TMEM178A: variants seen among roughly 807,000 people sequenced by gnomAD.
TMEM178A encodes transmembrane protein 178A.
Under a neutral mutation model 29.1 loss-of-function variants are expected in TMEM178A, and 12 were observed. The ratio of observed to expected loss-of-function variants is 0.41; its 90% confidence interval spans 0.26 to 0.67. The LOEUF is 0.67. TMEM178A is among the 30% of genes least tolerant of loss of function. The pLI is 0.29. For synonymous variants in TMEM178A, 210 were observed against 187.2 expected, an observed-to-expected ratio of 1.12 and a Z score of -0.99; for missense variants, 366 against 419.1, an observed-to-expected ratio of 0.87 and a Z score of 1.11.
At chr2:39,671,792 C>T (rs556727427) in intron 1 of TMEM178A, among the ~76,000 whole-genome samples, 2 of 152,302 alleles carry the variant, frequency 1.3e-5, no homozygotes, top group South Asian at 2.1e-4. Flanking sequence ...GTACAGACCG[C>T]ACTCTCAAGA....
the TMEM178A span, among the ~76,000 whole-genome samples, chr2:39,733,327 T>C: frequency 6.6e-6 from 1 of 152,242 alleles, no homozygotes; most frequent in African/African-American, 2.4e-5. Flanking sequence ...GGTTCATACA[T>C]GATTTTTTCT....
chr2:39,691,632 T>C (rs145862460), intron 1 of TMEM178A, among the ~76,000 whole-genome samples: 3,189 of 152,244 alleles, frequency 0.021, 89 homozygotes, highest in African/African-American at 0.058. Flanking sequence ...ATCCCACTTC[T>C]GGGTATTTAT....
At position 39,716,948 on chromosome 2, in the gene TMEM178A, G is replaced by T. The variant is rs1019396189; in HGVS notation, c.653-62G>T. 3.2e-6 allele frequency: 5 copies of T among 1,552,394 alleles called. No homozygotes were observed. In the African/African-American group the frequency reaches 5.5e-5, roughly 17 times the overall value. On this transcript the variant is annotated intron_variant, in intron 3 of 3. Transcript: ENST00000281961. Reference sequence around the variant, plus strand: ...TCTGATTTTCATAAAGGCCTGTCTGGCATTTGTCTTGTAACAGGCAAACTG... The same window carrying T: ...TCTGATTTTCATAAAGGCCTGTCTGTCATTTGTCTTGTAACAGGCAAACTG...
chr2:39,667,516 G>T (rs1670222540), intron 1 of TMEM178A, among the ~76,000 whole-genome samples: 1 of 151,912 alleles, frequency 6.6e-6, no homozygotes, highest in African/African-American at 2.4e-5. Context: ...TCCAAAATCA[G>T]TACATTTTAA....
intron 1 of TMEM178A, among the ~76,000 whole-genome samples, chr2:39,686,959 ATGCATGTGTG>A (rs1421293101): frequency 1.5e-5 from 2 of 131,192 alleles, no homozygotes; most frequent in Non-Finnish European, 3.2e-5. Context: ...ATGTGCACAT[ATGCATGTGTG>A]TGTGTGTGTG....
intron 1 of TMEM178A, among the ~76,000 whole-genome samples, chr2:39,696,523 C>G (rs942117721): frequency 2.0e-5 from 3 of 152,184 alleles, no homozygotes; most frequent in Non-Finnish European, 4.4e-5. Context: ...CCATTATTCT[C>G]CCTCTTTTAC....
chr2:39,714,544 C>T (rs886341572), intron 3 of TMEM178A, among the ~76,000 whole-genome samples: 1 of 152,136 alleles, frequency 6.6e-6, no homozygotes, highest in African/African-American at 2.4e-5. Flanking sequence ...AGCTTCAGTG[C>T]TCTGGCAACT....
chr2:39,701,496 A>G (rs1355981783), intron 1 of TMEM178A, among the ~76,000 whole-genome samples: 1 of 152,076 alleles, frequency 6.6e-6, no homozygotes, highest in Non-Finnish European at 1.5e-5. Context: ...TTGGCTTTCA[A>G]CAGTTTGATT....
At chr2:39,676,589 T>C (rs1438274902) in intron 1 of TMEM178A, among the ~76,000 whole-genome samples, 11 of 152,214 alleles carry the variant, frequency 7.2e-5, no homozygotes, top group Admixed American at 7.2e-4. Flanking sequence ...GAATGGACCA[T>C]GATTTTCTTA....
intron 1 of TMEM178A, among the ~76,000 whole-genome samples, chr2:39,699,128 C>T (rs999033796): frequency 1.3e-5 from 2 of 151,320 alleles, no homozygotes; most frequent in South Asian, 2.1e-4. Flanking sequence ...CAGGTTCCAA[C>T]AATCTTTGTG....
chr2:39,733,481 C>T, the TMEM178A span, among the ~76,000 whole-genome samples: 2 of 152,160 alleles, frequency 1.3e-5, no homozygotes, highest in African/African-American at 4.8e-5. Context: ...TTCATCTTGG[C>T]CGCAGGTTCT....
the TMEM178A span, among the ~76,000 whole-genome samples, chr2:39,730,075 C>G: frequency 6.6e-6 from 1 of 152,160 alleles, no homozygotes. Context: ...TTACTAGGAA[C>G]AAACACTCCA....
At chr2:39,727,644 G>C in the TMEM178A span, among the ~76,000 whole-genome samples, 2 of 152,050 alleles carry the variant, frequency 1.3e-5, no homozygotes, top group Admixed American at 1.3e-4. Context: ...GTATACATGT[G>C]CCATGTTGGT....
chr2:39,729,849 A>C, the TMEM178A span, among the ~76,000 whole-genome samples: 5 of 152,172 alleles, frequency 3.3e-5, no homozygotes, highest in African/African-American at 4.8e-5. Flanking sequence ...CATCCTATAC[A>C]GGTCTTCAGA....
At chr2:39,720,412 A>G (rs971038623), downstream of TMEM178A, among the ~76,000 whole-genome samples, 1 of 152,146 alleles carries the variant, frequency 6.6e-6, no homozygotes, top group East Asian at 1.9e-4. Flanking sequence ...CACACTGCCT[A>G]GGCAACCACC....
rs1017164764 is a variant in TMEM178A at position 39,707,192 on chromosome 2, C to G, written c.652+6C>G. On this transcript the variant is annotated splice_donor_region_variant and intron_variant, in intron 3 of 3. Transcript: ENST00000281961. ...ACTCCTGTTCCTCATGACAGGTAGG[C>G]TGCATGCCTCAGGCCGTCTGTCCCA... 14 of 1,607,278 alleles carry G rather than the reference C, an allele frequency of 8.7e-6. No homozygotes were observed. In the African/African-American group the frequency reaches 1.7e-4, roughly 20 times the overall value.
chr2:39,728,724 T>G, the TMEM178A span, among the ~76,000 whole-genome samples: 1 of 151,984 alleles, frequency 6.6e-6, no homozygotes, highest in Non-Finnish European at 1.5e-5. Context: ...GAAATGAATT[T>G]TTTTTTTTTA....
At position 39,666,084 on chromosome 2, in the gene TMEM178A, G is replaced by A; in HGVS notation, c.110G>A (p.Arg37Gln). 3 of 1,568,528 alleles carry A rather than the reference G, an allele frequency of 1.9e-6. No individual in the cohort carries two copies. Among genetic ancestry groups the A allele is most frequent in the Non-Finnish European group, 8.6e-7 (1 of 1,161,130 alleles). The change falls in exon 1 of 4, where the codon CGG becomes CAG. Residue 37 changes from arginine (R) to glutamine (Q), a missense_variant. Around this residue, in one of 2 missense-constraint regions of TMEM178A, gnomAD observed 247 missense variants for 246.8 expected, o/e 1.00. Transcript: ENST00000281961. The stretch of plus-strand genomic sequence containing the variant: ...GACCACTGGTACGAGACCGACCCCC[G>A]GCGCCACAAGGAGAGCTGCGAGCGC... Reference protein sequence around the residue: ...FTDHWYETDPRRHKESCERSR... With the variant: ...FTDHWYETDPQRHKESCERSR...
At chr2:39,729,248 C>T in the TMEM178A span, among the ~76,000 whole-genome samples, 4 of 152,162 alleles carry the variant, frequency 2.6e-5, no homozygotes, top group East Asian at 3.9e-4. Context: ...GGATATTGAA[C>T]GCTGAATGCT....
Sources: allele counts gnomAD v4.1 joint callset (sites outside exome capture counted in the v4.1 genomes callset), GRCh38; gene constraint gnomAD v4.1.1; regional missense constraint gnomAD v4.1.1; transcripts MANE v1.5; gene names NCBI Gene and HGNC (gene_info 2026-07-23, HGNC 2026-07-21).